RBMS3: variants seen among roughly 807,000 people sequenced by gnomAD.
The protein encoded by RBMS3 is RNA binding motif single stranded interacting protein 3.
Under a neutral mutation model 66.8 loss-of-function variants are expected in RBMS3, and 27 were observed. That is an observed-to-expected ratio of 0.40 (90% CI 0.30 to 0.56). The LOEUF is 0.56. RBMS3 is among the 20% of genes least tolerant of loss of function. The pLI is 0.40. For missense variants in RBMS3, 513 were observed against 549.5 expected (o/e 0.93, Z 0.66); for synonymous variants, 188 against 183.0 (o/e 1.03, Z -0.22).
chr3:29,826,879 G>A (rs994705957), intron 6 of RBMS3, among the ~76,000 whole-genome samples: 2 of 152,000 alleles, frequency 1.3e-5, no homozygotes, highest in African/African-American at 4.8e-5. Context: ...GAAGTTAGTG[G>A]GGAAAAATTG....
At chr3:29,472,592 C>A (rs1036041556) in intron 2 of RBMS3, among the ~76,000 whole-genome samples, 1 of 151,988 alleles carries the variant, frequency 6.6e-6, no homozygotes, top group Non-Finnish European at 1.5e-5. Flanking sequence ...GGAGTTTCTT[C>A]CTTTTGGTGG....
At chr3:29,905,137 C>T (rs1469225614) in intron 10 of RBMS3, among the ~76,000 whole-genome samples, 1 of 151,876 alleles carries the variant, frequency 6.6e-6, no homozygotes, top group Admixed American at 6.6e-5. Context: ...CACACCTACT[C>T]AATTCTATGG....
chr3:29,940,758 C>CAAAAAAAA (rs34538761), intron 11 of RBMS3, among the ~76,000 whole-genome samples: 1 of 145,940 alleles, frequency 6.9e-6, no homozygotes. Flanking sequence ...CTGCAGGCCT[C>CAAAAAAAA]AAAAAAAAAA....
At chr3:29,971,270 T>C (rs1697210003) in intron 12 of RBMS3, among the ~76,000 whole-genome samples, 1 of 152,188 alleles carries the variant, frequency 6.6e-6, no homozygotes, top group Non-Finnish European at 1.5e-5. Flanking sequence ...AGAATGCCTT[T>C]TAACAGAGTA....
intron 10 of RBMS3, among the ~76,000 whole-genome samples, chr3:29,935,253 T>A (rs2061236364): frequency 1.3e-5 from 2 of 152,112 alleles, no homozygotes; most frequent in Admixed American, 1.3e-4. Context: ...AGCTCCATTC[T>A]TCACTCACCA....
At chr3:29,982,429 CATCTT>C (rs1321867008) in intron 12 of RBMS3, among the ~76,000 whole-genome samples, 1 of 151,936 alleles carries the variant, frequency 6.6e-6, no homozygotes, top group East Asian at 1.9e-4. Context: ...GTTCTGCTCT[CATCTT>C]ATTTATTTCT....
intron 2 of RBMS3, among the ~76,000 whole-genome samples, chr3:29,461,952 A>C (rs1360844790): frequency 1.3e-5 from 1 of 75,962 alleles, no homozygotes; most frequent in Non-Finnish European, 2.5e-5. Flanking sequence ...TTTTTTTTGT[A>C]TTTTTAGTAC....
chr3:29,751,805 C>A (rs2055196539), intron 5 of RBMS3, among the ~76,000 whole-genome samples: 1 of 152,180 alleles, frequency 6.6e-6, no homozygotes, highest in Non-Finnish European at 1.5e-5. Flanking sequence ...GCACTCAAAC[C>A]CCTTGTGGGA....
At chr3:29,779,889 T>G (rs1170379896) in intron 6 of RBMS3, among the ~76,000 whole-genome samples, 1 of 150,718 alleles carries the variant, frequency 6.6e-6, no homozygotes, top group African/African-American at 2.4e-5. Context: ...AATAAACAAA[T>G]ATCTTTGAAT....
At chr3:29,572,960 AG>A (rs1434661295) in intron 3 of RBMS3, among the ~76,000 whole-genome samples, 1 of 151,476 alleles carries the variant, frequency 6.6e-6, no homozygotes, top group African/African-American at 2.4e-5. Flanking sequence ...TGGTCTGTTT[AG>A]TCTTTGGATT....
chr3:29,998,516 T>C (rs1699402472), intron 14 of RBMS3, among the ~76,000 whole-genome samples: 1 of 152,170 alleles, frequency 6.6e-6, no homozygotes, highest in African/African-American at 2.4e-5. Flanking sequence ...CTTCAAACTA[T>C]ACTACAAGGT....
intron 1 of RBMS3, among the ~76,000 whole-genome samples, chr3:29,383,014 G>C (rs1394196582): frequency 1.3e-5 from 2 of 152,170 alleles, no homozygotes; most frequent in Non-Finnish European, 2.9e-5. Context: ...CAATGGGTCA[G>C]GTGTAACTGT....
intron 1 of RBMS3, among the ~76,000 whole-genome samples, chr3:29,344,700 A>T (rs192500970): frequency 1.3e-5 from 2 of 152,244 alleles, no homozygotes; most frequent in Admixed American, 6.5e-5. Context: ...CCACAAGGCA[A>T]GGGATTGAGG....
In RBMS3 at chr3:29,568,035, C is replaced by T. The variant is rs139660034; in HGVS notation, c.308-19079C>T. Among the ~76,000 whole-genome samples, 1,219 of 152,154 alleles carry T rather than the reference C, an allele frequency of 8.0e-3. 18 individuals carry two copies. The highest frequency in any genetic ancestry group is 0.028 in the African/African-American group (1,173 of 41,516). ...TCTGTGCTTGCTAACTTTAATTTTC[C>T]AAGGGTTATGAGACTTTAATTTGAT... On this transcript the variant is annotated intron_variant, in intron 3 of 14. Transcript: ENST00000383767.
intron 3 of RBMS3, among the ~76,000 whole-genome samples, chr3:29,572,120 A>G (rs1466776361): frequency 6.6e-6 from 1 of 152,010 alleles, no homozygotes; most frequent in Non-Finnish European, 1.5e-5. Context: ...TCGTATGTTG[A>G]TCTTGTATCC....
chr3:29,474,127 A>G (rs1321919649), intron 2 of RBMS3, among the ~76,000 whole-genome samples: 1 of 152,270 alleles, frequency 6.6e-6, no homozygotes, highest in African/African-American at 2.4e-5. Context: ...ATCTCTGCCA[A>G]GGATAACCAC....
chr3:29,639,090 T>G (rs1224697153), intron 4 of RBMS3, among the ~76,000 whole-genome samples: 2 of 151,816 alleles, frequency 1.3e-5, no homozygotes, highest in African/African-American at 2.4e-5. Context: ...AAAATGACAT[T>G]GTAAGGAATA....
chr3:29,661,756 T>C (rs1559546602), intron 4 of RBMS3, among the ~76,000 whole-genome samples: 1 of 152,230 alleles, frequency 6.6e-6, no homozygotes, highest in African/African-American at 2.4e-5. Flanking sequence ...TGGTACATGA[T>C]GTACGTGATG....
At chr3:29,667,982 C>T (rs2050834865) in intron 4 of RBMS3, among the ~76,000 whole-genome samples, 1 of 152,140 alleles carries the variant, frequency 6.6e-6, no homozygotes, top group Admixed American at 6.5e-5. Context: ...TTCACCAAGA[C>T]ACTTCCTTTA....
Sources: gnomAD v4.1 joint callset for allele counts (sites outside exome capture counted in the v4.1 genomes callset) on GRCh38, gnomAD v4.1.1 for gene constraint, MANE v1.5 for transcripts, NCBI Gene and HGNC (gene_info 2026-07-23, HGNC 2026-07-21) for gene names.